TENM4: variants seen among roughly 807,000 people sequenced by gnomAD.
TENM4 encodes the protein teneurin-4.
TENM4 carries 82 observed loss-of-function variants against 243.3 expected under a neutral mutation model. The ratio of observed to expected loss-of-function variants is 0.34; its 90% CI spans 0.28 to 0.40. The LOEUF is 0.40. Among genes scored for constraint, TENM4 ranks in the 10% least tolerant of loss-of-function variants. The pLI, the probability that TENM4 is intolerant of heterozygous loss-of-function variation, is 1.00. For synonymous variants in TENM4, 1,412 were observed against 1,456.3 expected, an observed-to-expected ratio of 0.97 and a Z score of 0.69; for missense variants, 3,138 against 3,673.3, an observed-to-expected ratio of 0.85 and a Z score of 3.77.
chr11:78,962,854 C>T (rs1857359357), intron 6 of TENM4, among the ~76,000 whole-genome samples: 1 of 152,202 alleles, frequency 6.6e-6, no homozygotes, highest in Non-Finnish European at 1.5e-5. Flanking sequence ...CCCTAGGCCT[C>T]GTAAAAAGGT....
At chr11:79,370,271 A>G (rs1857756342) in intron 1 of TENM4, among the ~76,000 whole-genome samples, 1 of 152,166 alleles carries the variant, frequency 6.6e-6, no homozygotes, top group South Asian at 2.1e-4. Context: ...CATTATCATG[A>G]CAGCACAGGC....
chr11:78,704,159 C>CTATATATATATATAGATATATA (rs1859183778), intron 27 of TENM4, among the ~76,000 whole-genome samples: 1 of 106,028 alleles, frequency 9.4e-6, no homozygotes, highest in Non-Finnish European at 1.9e-5. Flanking sequence ...GTATGTGTGT[C>CTATATATATATATAGATATATA]TATATATATA....
chr11:79,120,334 T>G (rs1027196873), intron 4 of TENM4, among the ~76,000 whole-genome samples: 5 of 152,236 alleles, frequency 3.3e-5, no homozygotes, highest in African/African-American at 1.2e-4. Context: ...CTTATTCTGC[T>G]GAAATTAAAT....
At chr11:79,162,430 A>C (rs1402089530) in intron 3 of TENM4, among the ~76,000 whole-genome samples, 2 of 152,000 alleles carry the variant, frequency 1.3e-5, no homozygotes, top group Admixed American at 6.6e-5. Context: ...ATTAATGCTT[A>C]ACTAGTGGTC....
rs369844183 is a variant in TENM4 at position 78,726,134 on chromosome 11, C to G, written c.3495G>C (p.Ala1165=). ...TTVLQGYEID[A]SKLGGWSLDK... is the part of the protein sequence containing the mutation. ...CTAGGCTCCATCCTCCAAGCTTGGA[C>G]GCGTCAATTTCATAGCCCTGCAGCA... The change falls in exon 23 of 34, where the codon GCG becomes GCC. Residue 1165 remains alanine (A), a synonymous_variant. Coordinates refer to ENST00000278550, the MANE Select transcript of TENM4 (RefSeq NM_001098816.3). The G allele has an allele frequency of 1.9e-6, 3 of 1,614,004 alleles. No homozygotes were observed. The South Asian group carries it at 3.3e-5, about 18-fold the overall frequency.
chr11:79,333,172 A>C (rs902926984), intron 1 of TENM4, among the ~76,000 whole-genome samples: 1 of 152,160 alleles, frequency 6.6e-6, no homozygotes, highest in Non-Finnish European at 1.5e-5. Flanking sequence ...AGTCAAAGTT[A>C]ATATATGATA....
At chr11:79,430,743 G>A (rs1187613978) in intron 1 of TENM4, among the ~76,000 whole-genome samples, 17 of 152,208 alleles carry the variant, frequency 1.1e-4, no homozygotes. Flanking sequence ...AGGAGGTGAT[G>A]ATGGTTCAGG....
chr11:79,226,393 C>T (rs118140479), intron 2 of TENM4, among the ~76,000 whole-genome samples: 20 of 152,274 alleles, frequency 1.3e-4, no homozygotes, highest in South Asian at 1.0e-3. Context: ...TCTGAGGGAA[C>T]GCAAGCTGGA....
chr11:79,424,559 G>A (rs1272630701), intron 1 of TENM4, among the ~76,000 whole-genome samples: 1 of 152,084 alleles, frequency 6.6e-6, no homozygotes. Context: ...ATTATGCCCA[G>A]GAGGTCAAGG....
At chr11:79,035,111 G>A (rs762131071) in intron 6 of TENM4, among the ~76,000 whole-genome samples, 1 of 152,164 alleles carries the variant, frequency 6.6e-6, no homozygotes, top group Non-Finnish European at 1.5e-5. Flanking sequence ...TGCCTCTGCT[G>A]TTCTGAGCCA....
At chr11:78,807,144 G>C (rs892510068) in intron 14 of TENM4, among the ~76,000 whole-genome samples, 3 of 152,144 alleles carry the variant, frequency 2.0e-5, no homozygotes, top group Admixed American at 6.5e-5. Flanking sequence ...TTGTGAATAG[G>C]TTGCTATGAA....
intron 2 of TENM4, among the ~76,000 whole-genome samples, chr11:79,262,362 A>G (rs1263178357): frequency 6.6e-6 from 1 of 152,100 alleles, no homozygotes; most frequent in East Asian, 1.9e-4. Flanking sequence ...TTGGTCTGAC[A>G]CTCCAATCTG....
At chr11:78,668,552 T>C (rs1858220623) in intron 32 of TENM4, among the ~76,000 whole-genome samples, 1 of 152,142 alleles carries the variant, frequency 6.6e-6, no homozygotes. Context: ...ACTCCTAAAG[T>C]GCAATCCATG....
At chr11:78,899,493 G>T (rs1055889355) in intron 7 of TENM4, among the ~76,000 whole-genome samples, 1 of 143,552 alleles carries the variant, frequency 7.0e-6, no homozygotes, top group African/African-American at 2.6e-5. Context: ...TGGAAGGACT[G>T]CTTGAGTCTG....
intron 3 of TENM4, among the ~76,000 whole-genome samples, chr11:79,159,483 A>G (rs1001339746): frequency 1.3e-5 from 2 of 152,204 alleles, no homozygotes; most frequent in Non-Finnish European, 2.9e-5. Context: ...CTTGTTTTCA[A>G]GCTTTTTGTC....
chr11:78,978,423 T>C (rs570877066), intron 6 of TENM4, among the ~76,000 whole-genome samples: 1 of 151,876 alleles, frequency 6.6e-6, no homozygotes, highest in South Asian at 2.1e-4. Flanking sequence ...AAATGATCCA[T>C]TTAGTCCTTG....
chr11:79,206,787 T>C (rs149421265), intron 3 of TENM4, among the ~76,000 whole-genome samples: 11 of 152,324 alleles, frequency 7.2e-5, no homozygotes, highest in African/African-American at 2.4e-4. Context: ...ATTAAATCTC[T>C]TCTTGTTTCC....
At chr11:78,973,577 T>A (rs1419688630) in intron 6 of TENM4, among the ~76,000 whole-genome samples, 1 of 152,122 alleles carries the variant, frequency 6.6e-6, no homozygotes, top group Non-Finnish European at 1.5e-5. Flanking sequence ...AGAATTTGTT[T>A]TGTGCTTACT....
chr11:78,831,097 A>C lies in TENM4; in HGVS notation c.1682-16702T>G, dbSNP rs559483216. On this transcript the variant is annotated intron_variant, in intron 12 of 33. Coordinates refer to ENST00000278550, the MANE Select transcript of TENM4 (RefSeq NM_001098816.3). The stretch of plus-strand genomic sequence containing the variant: ...AGAAAATGGAGGCCTAGAGAAGTGA[A>C]ATGACTTGCAGATCCCAAAACTGTC... Among the ~76,000 whole-genome samples, 6 of 152,328 alleles carry C rather than the reference A, an allele frequency of 3.9e-5. No homozygotes were observed. The East Asian group carries it at 1.2e-3, about 29-fold the overall frequency.
Sources: allele counts gnomAD v4.1 joint callset (sites outside exome capture counted in the v4.1 genomes callset), GRCh38; gene constraint gnomAD v4.1.1; transcripts MANE v1.5; gene names NCBI Gene and HGNC (gene_info 2026-07-23, HGNC 2026-07-21).